MED23: variants seen among roughly 807,000 people sequenced by gnomAD.
MED23 encodes the protein mediator of RNA polymerase II transcription subunit 23.
In MED23, 105 loss-of-function variants were observed where a neutral mutation model predicts 163.9. The ratio of observed to expected loss-of-function variants is 0.64; its 90% confidence interval spans 0.55 to 0.75. The LOEUF is 0.75. Ranked by LOEUF, MED23 falls within the 30% of genes least tolerant of loss-of-function variation. The probability of loss-of-function intolerance (pLI) is 0.00; values close to 1 mark genes in which losing one functional copy is unlikely to be tolerated. For synonymous variants in MED23, 561 were observed against 565.6 expected (o/e 0.99, Z 0.12); for missense variants, 1,054 against 1,649.0 (o/e 0.64, Z 6.25).
Position 131,608,077 on chromosome 6 carries a change from A to C in MED23, c.1078-6T>G, listed in dbSNP as rs750247163. 1.5e-5 allele frequency: 24 copies of C among 1,613,388 alleles called. No homozygotes were observed. The East Asian group carries it at 5.1e-4, about 34-fold the overall frequency. The stretch of plus-strand genomic sequence containing the variant: ...ATCAGTCCTCGCCCTGCTAACTATA[A>C]AAGATGTTTAAATACACATGTATAC... On this transcript the variant is annotated splice_polypyrimidine_tract_variant and splice_region_variant and intron_variant, in intron 11 of 28. Coordinates refer to ENST00000368068, the MANE Select transcript of MED23 (RefSeq NM_004830.4).
intron 17 of MED23, among the ~76,000 whole-genome samples, chr6:131,601,754 CT>C (rs1384402601): frequency 6.6e-6 from 1 of 152,206 alleles, no homozygotes; most frequent in East Asian, 1.9e-4. Flanking sequence ...CCTCTTCTCA[CT>C]AAAGTTTTGC....
chr6:131,618,021 T>C (rs558302917), intron 9 of MED23, among the ~76,000 whole-genome samples: 4 of 152,332 alleles, frequency 2.6e-5, no homozygotes, highest in East Asian at 3.9e-4. Flanking sequence ...ATTTCCAAAT[T>C]TGGAAAGACA....
intron 30 of MED23, chr6:131,576,652 T>A: frequency 6.2e-7 from 1 of 1,612,812 alleles, no homozygotes; most frequent in Non-Finnish European, 8.5e-7. Context: ...CTTTATTTTT[T>A]AATTGTTCAG....
At chr6:131,609,358 C>T (rs973780249) in intron 11 of MED23, among the ~76,000 whole-genome samples, 2 of 152,050 alleles carry the variant, frequency 1.3e-5, no homozygotes, top group Non-Finnish European at 2.9e-5. Flanking sequence ...TTCCAGTTCT[C>T]ACACATCTCT....
chr6:131,597,124 C>T (rs1438154361), intron 20 of MED23, among the ~76,000 whole-genome samples: 3 of 152,192 alleles, frequency 2.0e-5, no homozygotes, highest in Non-Finnish European at 2.9e-5. Context: ...CAAATGTCAC[C>T]GCCATAGAAT....
At chr6:131,583,364 G>T, downstream of MED23, 1 of 1,614,102 alleles carries the variant, frequency 6.2e-7, no homozygotes, top group Non-Finnish European at 8.5e-7. Flanking sequence ...GAAAGAAAAG[G>T]CCAATTCATC....
intron 30 of MED23, chr6:131,581,512 G>A: frequency 9.2e-7 from 1 of 1,090,442 alleles, no homozygotes; most frequent in Non-Finnish European, 1.3e-6. Context: ...CAGCCAATAA[G>A]CAAAGGGTTG....
intron 4 of MED23, 39 bp downstream of exon 4, chr6:131,624,826 A>C: frequency 3.1e-6 from 5 of 1,611,608 alleles, no homozygotes; most frequent in Non-Finnish European, 4.2e-6. Context: ...ACATATAGAA[A>C]AGAAAATTCT....
chr6:131,611,497 T>C (rs935116375), intron 10 of MED23, among the ~76,000 whole-genome samples: 1 of 152,202 alleles, frequency 6.6e-6, no homozygotes, highest in African/African-American at 2.4e-5. Flanking sequence ...GAGACTACAG[T>C]ACTTTTCCTC....
At chr6:131,599,240 G>A (rs1252054170) in intron 18 of MED23, among the ~76,000 whole-genome samples, 1 of 152,110 alleles carries the variant, frequency 6.6e-6, no homozygotes, top group Non-Finnish European at 1.5e-5. Flanking sequence ...TGTGGCTGGG[G>A]GCCCAGCCAA....
At chr6:131,625,487 A>G (rs919375122) in intron 3 of MED23, among the ~76,000 whole-genome samples, 6 of 152,188 alleles carry the variant, frequency 3.9e-5, no homozygotes, top group African/African-American at 1.2e-4. Context: ...AACTTTAAAT[A>G]CGATGTCAAA....
At position 131,579,241 on chromosome 6, in the gene MED23, CAAGA is replaced by C. The variant is rs1773790103; in HGVS notation, c.4096-4950_4096-4947del. 2 of 1,614,022 alleles carry C rather than the reference CAAGA, an allele frequency of 1.2e-6. No individual in the cohort carries two copies. The highest frequency in any genetic ancestry group is 4.5e-5 in the East Asian group (2 of 44,876). ...AGCTGGCTGGCAAGGTGGCAGAAGT[CAAGA>C]AGAACGGAAGAATCAGCCTGGTGCT... is the stretch of plus-strand genomic sequence containing the variant. On this transcript the variant is annotated intron_variant, in intron 30 of 30. Coordinates refer to the MED23 transcript ENST00000354577.
In MED23 at chr6:131,596,124, G is replaced by A; in HGVS notation, c.2818C>T (p.Gln940Ter). 1 of 1,614,108 alleles carries A rather than the reference G, an allele frequency of 6.2e-7. No homozygotes were observed. The highest frequency in any genetic ancestry group is 1.1e-5 in the South Asian group (1 of 91,084). The change falls in exon 22 of 29, where the codon CAG (glutamine) becomes TAG (stop). Residue 940 changes from glutamine (Q) to a stop codon, truncating the protein, a stop_gained. Coordinates refer to ENST00000368068, the MANE Select transcript of MED23 (RefSeq NM_004830.4). LOFTEE classifies it high-confidence loss of function. ...TGGATCTGTACAGGAGGATCCACCT[G>A]TTCCGCGAGGCCCTCAAAATACAAC... The part of the protein sequence containing the change: ...EKLYFEGLAE[Q>*]VDPPVQIQSP...
chr6:131,618,597 C>T lies in MED23; in HGVS notation c.668-78G>A, dbSNP rs1461116924. On this transcript the variant is annotated intron_variant, in intron 8 of 28. Transcript: ENST00000368068. ...ATTCACTTCACAAATATTTAATGAA[C>T]ATATATGCTGAAATAGGCATTGGTT... is the stretch of plus-strand genomic sequence containing the variant. 3.1e-5 allele frequency: 29 copies of T among 949,490 alleles called. No homozygotes were observed. In the Admixed American group the frequency reaches 3.1e-4, roughly 10 times the overall value. 58.8% of individuals were successfully genotyped at this position (949,490 alleles called of 1,614,324 possible). A position where few individuals can be genotyped will look rare whatever the true frequency, so the allele number is the denominator to read the frequency against.
At chr6:131,601,616 T>C (rs1156849894) in intron 17 of MED23, among the ~76,000 whole-genome samples, 2 of 152,176 alleles carry the variant, frequency 1.3e-5, no homozygotes, top group African/African-American at 2.4e-5. Context: ...ACCTCATCTG[T>C]GTGAGGCCAC....
chr6:131,620,010 C>A (rs151068752), intron 7 of MED23, 114 bp from the exon 8 acceptor site: 3 of 729,112 alleles, frequency 4.1e-6, no homozygotes, highest in Middle Eastern at 2.5e-4. Flanking sequence ...GTAAAGATTG[C>A]ACATGATAAC....
intron 10 of MED23, chr6:131,615,418 G>C: frequency 7.3e-7 from 1 of 1,375,856 alleles, no homozygotes; most frequent in Non-Finnish European, 1.0e-6. Context: ...AGACAAAACA[G>C]TGACTATGAG....
chr6:131,627,344 A>G lies in MED23; in HGVS notation c.159+52T>C, dbSNP rs538694449. The G allele has an allele frequency of 1.0e-4, 138 of 1,359,276 alleles. 1 individual carries two copies. Among genetic ancestry groups the G allele is most frequent in the South Asian group, 2.7e-4 (21 of 78,500 alleles). The allele number at this position is 1,359,276 out of a possible 1,614,324, so 84.2% of individuals were successfully genotyped here. A position where few individuals can be genotyped will look rare whatever the true frequency, so the allele number is the denominator to read the frequency against. On this transcript the variant is annotated intron_variant, in intron 3 of 28. Transcript: ENST00000368068. ...AATGTTAAAAGAAAAAAAAAAAAAAAAAGAAGAGGCCAAAAATCATCAGCT... is the reference window on the plus strand; with the variant it reads ...AATGTTAAAAGAAAAAAAAAAAAAAGAAGAAGAGGCCAAAAATCATCAGCT...
At chr6:131,583,796 C>T (rs1190531585), downstream of MED23, 1 of 1,613,916 alleles carries the variant, frequency 6.2e-7, no homozygotes, top group African/African-American at 1.3e-5. Flanking sequence ...GGGAAGACAC[C>T]AGAAGAAGTA....
Sources: allele counts gnomAD v4.1 joint callset (sites outside exome capture counted in the v4.1 genomes callset), GRCh38; gene constraint gnomAD v4.1.1; transcripts MANE v1.5; gene names NCBI Gene and HGNC (gene_info 2026-07-23, HGNC 2026-07-21).